Variants in TFCP2 observed in about 807,000 individuals in gnomAD.
TFCP2 encodes the protein transcription factor CP2.
Under a neutral mutation model 73.4 loss-of-function variants are expected in TFCP2, and 33 were observed. The ratio of observed to expected loss-of-function variants is 0.45; its 90% CI spans 0.34 to 0.60. The LOEUF is 0.60. Among genes scored for constraint, TFCP2 ranks in the 20% least tolerant of loss-of-function variants. TFCP2 has a pLI of 0.01. For synonymous variants in TFCP2, 193 were observed against 211.6 expected, an observed-to-expected ratio of 0.91 and a Z score of 0.76; for missense variants, 352 against 604.0, an observed-to-expected ratio of 0.58 and a Z score of 4.37.
chr12:51,140,253 T>C (rs1941156605), intron 1 of TFCP2, among the ~76,000 whole-genome samples: 1 of 151,898 alleles, frequency 6.6e-6, no homozygotes, highest in African/African-American at 2.4e-5. Flanking sequence ...TAACTATGAT[T>C]TCACTAAAAG....
At position 51,095,131 on chromosome 12, in the gene TFCP2, G is replaced by T; in HGVS notation, c.*110C>A. On this transcript the variant is annotated 3_prime_UTR_variant, in exon 15 of 15. Coordinates refer to ENST00000257915, the MANE Select transcript of TFCP2 (RefSeq NM_005653.5). ...GCCTGGACTCCTCCACACACAGTCA[G>T]ACGAGTCAGGTTCTTGCAGACCTTC... 8.0e-7 allele frequency: 1 copy of T among 1,248,056 alleles called. No individual in the cohort carries two copies. 77.3% of individuals were successfully genotyped at this position (1,248,056 alleles called of 1,614,324 possible).
intron 1 of TFCP2, 27 bp downstream of exon 1, chr12:51,172,274 T>C: frequency 6.2e-7 from 1 of 1,613,562 alleles, no homozygotes; most frequent in Non-Finnish European, 8.5e-7. Flanking sequence ...ATTCAGAAGG[T>C]GTAGGGTCTG....
chr12:51,095,901 C>G (rs1939954860), intron 14 of TFCP2, 88 bp downstream of exon 14: 1 of 964,358 alleles, frequency 1.0e-6, no homozygotes, highest in African/African-American at 1.7e-5. Flanking sequence ...GGTTACTTTT[C>G]CTATCTCTCC....
chr12:51,129,830 A>T (rs1940899202), intron 1 of TFCP2, among the ~76,000 whole-genome samples: 1 of 32,694 alleles, frequency 3.1e-5, no homozygotes, highest in African/African-American at 7.4e-5. Flanking sequence ...ATGTTCTAAA[A>T]CTGGGGGAAA....
Position 51,094,769 on chromosome 12 carries a change from C to A in TFCP2, c.*472G>T, listed in dbSNP as rs1939915847. The A allele has an allele frequency of 2.0e-5, 3 of 153,272 alleles. No homozygotes were observed. The highest frequency in any genetic ancestry group is 2.0e-4 in the Admixed American group (3 of 15,330). The allele number at this position is 153,272 out of a possible 1,614,324, so 9.5% of individuals were successfully genotyped here. On this transcript the variant is annotated 3_prime_UTR_variant, in exon 15 of 15. Transcript: ENST00000257915. The stretch of plus-strand genomic sequence containing the variant: ...TCCTCACTGATAAAGTTTTCAGGGA[C>A]AAACTGTGGCAAAAAGCAGAGATAC...
At chr12:51,156,075 A>C (rs1266505607) in intron 1 of TFCP2, among the ~76,000 whole-genome samples, 1 of 151,616 alleles carries the variant, frequency 6.6e-6, no homozygotes, top group African/African-American at 2.4e-5. Context: ...AAAAAAAGAA[A>C]GAACTATTAG....
intron 2 of TFCP2, among the ~76,000 whole-genome samples, chr12:51,118,251 T>C (rs968186642): frequency 4.6e-5 from 7 of 152,192 alleles, no homozygotes; most frequent in Admixed American, 1.3e-4. Context: ...CATATAAGTG[T>C]ACCTAATAAA....
intron 1 of TFCP2, among the ~76,000 whole-genome samples, chr12:51,147,064 C>T (rs1230427090): frequency 1.3e-5 from 2 of 152,148 alleles, no homozygotes; most frequent in African/African-American, 2.4e-5. Flanking sequence ...AACATTAGGC[C>T]GGGCACAGTG....
intron 1 of TFCP2, among the ~76,000 whole-genome samples, chr12:51,151,637 C>T (rs12227032): frequency 0.058 from 8,787 of 152,088 alleles, 492 homozygotes; most frequent in East Asian, 0.18. Flanking sequence ...TGGGTTTCAC[C>T]GTGTTAGCCA....
Position 51,095,279 on chromosome 12 carries a change from C to A in TFCP2, c.1472-1G>T. Reference sequence around the variant, plus strand: ...ATATGATAGCTATCATTGGTTTCTGCTGTTAAAAAAAAGAGAGAGAGAGAA... The same window carrying A: ...ATATGATAGCTATCATTGGTTTCTGATGTTAAAAAAAAGAGAGAGAGAGAA... On this transcript the variant is annotated splice_acceptor_variant, in intron 14 of 14. Transcript: ENST00000257915. LOFTEE classifies it high-confidence loss of function. 1 of 1,613,508 alleles carries A rather than the reference C, an allele frequency of 6.2e-7. No homozygotes were observed. Among genetic ancestry groups the A allele is most frequent in the South Asian group, 1.1e-5 (1 of 91,078 alleles).
intron 1 of TFCP2, among the ~76,000 whole-genome samples, chr12:51,170,603 G>A (rs544432334): frequency 6.6e-6 from 1 of 151,972 alleles, no homozygotes; most frequent in East Asian, 1.9e-4. Flanking sequence ...GGGATTACAG[G>A]CATGATTATT....
intron 9 of TFCP2, 80 bp from the exon 10 acceptor site, chr12:51,103,843 C>G: frequency 2.8e-6 from 3 of 1,088,788 alleles, no homozygotes; most frequent in South Asian, 2.7e-5. Context: ...CCAAACACCC[C>G]ACACAACCCC....
At chr12:51,109,010 T>C in intron 6 of TFCP2, 111 bp downstream of exon 6, 1 of 1,193,714 alleles carries the variant, frequency 8.4e-7, no homozygotes, top group Non-Finnish European at 1.2e-6. Context: ...ACTTTTTGCG[T>C]GTGTGTGAGT....
intron 1 of TFCP2, among the ~76,000 whole-genome samples, chr12:51,153,236 T>C (rs766045451): frequency 2.0e-5 from 3 of 151,922 alleles, no homozygotes; most frequent in African/African-American, 4.8e-5. Context: ...ATTAGCTAGG[T>C]GTGGTGGTGC....
chr12:51,147,987 T>C (rs1449820480), intron 1 of TFCP2, among the ~76,000 whole-genome samples: 2 of 151,892 alleles, frequency 1.3e-5, no homozygotes, highest in African/African-American at 2.4e-5. Flanking sequence ...AGGATATGAA[T>C]AGACAATTCT....
chr12:51,152,650 A>T (rs1941453365), intron 1 of TFCP2, among the ~76,000 whole-genome samples: 1 of 152,212 alleles, frequency 6.6e-6, no homozygotes, highest in South Asian at 2.1e-4. Context: ...TGTGTAAGAA[A>T]TTCTGAGAAA....
chr12:51,102,295 C>T (rs1940128974), intron 10 of TFCP2, among the ~76,000 whole-genome samples: 1 of 152,098 alleles, frequency 6.6e-6, no homozygotes, highest in Admixed American at 6.5e-5. Context: ...TAACCTTCCA[C>T]TATCTAAGCT....
At chr12:51,111,899 G>A (rs1043854479) in intron 4 of TFCP2, among the ~76,000 whole-genome samples, 7 of 151,792 alleles carry the variant, frequency 4.6e-5, no homozygotes, top group Non-Finnish European at 7.4e-5. Context: ...GCTTACACCT[G>A]TTATCCCAGC....
chr12:51,132,357 CTTTTTTTTTTT>C (rs869123355), intron 1 of TFCP2, among the ~76,000 whole-genome samples: 27 of 61,792 alleles, frequency 4.4e-4, no homozygotes, highest in South Asian at 1.7e-3. Context: ...AGGGATTAGT[CTTTTTTTTTTT>C]TTTTTTTTTT....
Sources: gnomAD v4.1 joint callset for allele counts (sites outside exome capture counted in the v4.1 genomes callset) on GRCh38, gnomAD v4.1.1 for gene constraint, MANE v1.5 for transcripts, NCBI Gene and HGNC (gene_info 2026-07-23, HGNC 2026-07-21) for gene names.